The following ANKRD44 variants were observed in gnomAD, a reference collection of about 807,000 sequenced individuals.
The protein encoded by ANKRD44 is serine/threonine-protein phosphatase 6 regulatory ankyrin repeat subunit B.
In ANKRD44, 35 loss-of-function variants were observed where a neutral mutation model predicts 116.0. The ratio of observed to expected loss-of-function variants is 0.30; its 90% CI spans 0.23 to 0.40. The LOEUF is 0.40. ANKRD44 is among the 10% of genes least tolerant of loss of function. The probability of loss-of-function intolerance (pLI) is 1.00; values close to 1 mark genes in which losing one functional copy is unlikely to be tolerated. For missense variants in ANKRD44, 1,014 were observed against 1,242.6 expected, an observed-to-expected ratio of 0.82 and a Z score of 2.77; for synonymous variants, 435 against 461.8, an observed-to-expected ratio of 0.94 and a Z score of 0.74.
At chr2:197,162,325 A>G (rs1300165095) in intron 2 of ANKRD44, among the ~76,000 whole-genome samples, 4 of 152,244 alleles carry the variant, frequency 2.6e-5, no homozygotes, top group African/African-American at 9.6e-5. Flanking sequence ...AACAAAGCCA[A>G]CAGAGCTCTA....
At chr2:197,054,695 G>A (rs1320348800) in intron 16 of ANKRD44, among the ~76,000 whole-genome samples, 1 of 152,164 alleles carries the variant, frequency 6.6e-6, no homozygotes, top group African/African-American at 2.4e-5. Flanking sequence ...GGGAATTCCT[G>A]TTTGATTTAT....
At chr2:197,226,437 G>A (rs569550396) in intron 1 of ANKRD44, among the ~76,000 whole-genome samples, 8 of 152,254 alleles carry the variant, frequency 5.3e-5, no homozygotes, top group African/African-American at 1.7e-4. Context: ...AGACTGAGGC[G>A]GGTGGATCAT....
intron 1 of ANKRD44, among the ~76,000 whole-genome samples, chr2:197,247,614 C>T (rs1434497542): frequency 2.0e-5 from 3 of 152,186 alleles, no homozygotes; most frequent in East Asian, 3.8e-4. Flanking sequence ...AAACTTCTCA[C>T]ATAATTCCCA....
chr2:197,011,935 C>A (rs771415422), intron 18 of ANKRD44, among the ~76,000 whole-genome samples: 1 of 152,208 alleles, frequency 6.6e-6, no homozygotes, highest in Non-Finnish European at 1.5e-5. Flanking sequence ...CCAGCTCAGC[C>A]TCTTCCTATG....
chr2:197,068,467 T>G (rs1574393210), intron 16 of ANKRD44, among the ~76,000 whole-genome samples: 1 of 141,062 alleles, frequency 7.1e-6, no homozygotes, highest in East Asian at 2.1e-4. Context: ...ACAAATGGGA[T>G]CTAATTAAAC....
intron 1 of ANKRD44, among the ~76,000 whole-genome samples, chr2:197,216,572 T>A (rs983766120): frequency 6.6e-6 from 1 of 151,886 alleles, no homozygotes; most frequent in Non-Finnish European, 1.5e-5. Context: ...CTGACCAGAG[T>A]GCTTTTTCAG....
At position 197,205,375 on chromosome 2, in the gene ANKRD44, A is replaced by G. The variant is rs541795065; in HGVS notation, c.28-18269T>C. Among the ~76,000 whole-genome samples the G allele has an allele frequency of 8.5e-5, 13 of 152,348 alleles. No homozygotes were observed. The South Asian group carries it at 1.7e-3, about 19-fold the overall frequency. On this transcript the variant is annotated intron_variant, in intron 1 of 27. Coordinates refer to ENST00000282272, the MANE Select transcript of ANKRD44 (RefSeq NM_001195144.2). The stretch of plus-strand genomic sequence containing the variant: ...TTGAGGAAAGGAAGAACAATGTACC[A>G]GAGCTCATTATGGAGCAGGCCCTGT...
intron 2 of ANKRD44, among the ~76,000 whole-genome samples, chr2:197,182,656 T>C (rs1396455069): frequency 6.8e-6 from 1 of 147,558 alleles, no homozygotes; most frequent in East Asian, 2.1e-4. Flanking sequence ...GACCCCCACA[T>C]ACACTACAAT....
chr2:197,215,809 G>A (rs779360209), intron 1 of ANKRD44, among the ~76,000 whole-genome samples: 16 of 152,088 alleles, frequency 1.1e-4, no homozygotes, highest in African/African-American at 2.2e-4. Flanking sequence ...TAGGACTTTC[G>A]GCCTAATTAT....
Position 197,107,078 on chromosome 2 carries a change from T to A in ANKRD44, c.985+3688A>T, listed in dbSNP as rs141870421. Reference sequence around the variant, plus strand: ...TGACAACCAGTGAGGAAAATAAACATTTGCCAGTTTAGAAGTATGCAGAGC... The same window carrying A: ...TGACAACCAGTGAGGAAAATAAACAATTGCCAGTTTAGAAGTATGCAGAGC... On this transcript the variant is annotated intron_variant, in intron 9 of 27. Coordinates refer to ENST00000282272, the MANE Select transcript of ANKRD44 (RefSeq NM_001195144.2). Among the ~76,000 whole-genome samples, 221 of 152,234 alleles carry A rather than the reference T, an allele frequency of 1.5e-3. 1 individual carries two copies. The highest frequency in any genetic ancestry group is 5.0e-3 in the African/African-American group (207 of 41,550).
intron 2 of ANKRD44, among the ~76,000 whole-genome samples, chr2:197,162,273 A>C (rs1157076942): frequency 6.6e-6 from 1 of 152,172 alleles, no homozygotes; most frequent in Non-Finnish European, 1.5e-5. Context: ...TCCCACCCTA[A>C]ATGTGACAAG....
intron 17 of ANKRD44, among the ~76,000 whole-genome samples, chr2:197,016,308 TTTTTC>T (rs1343035387): frequency 2.0e-5 from 3 of 152,356 alleles, no homozygotes; most frequent in African/African-American, 7.2e-5. Flanking sequence ...TATCTTTTTC[TTTTTC>T]TTTTCATTAC....
intron 9 of ANKRD44, among the ~76,000 whole-genome samples, chr2:197,101,713 C>A (rs1001164900): frequency 2.0e-5 from 3 of 152,174 alleles, no homozygotes; most frequent in Admixed American, 1.3e-4. Context: ...TGCGGTGATA[C>A]AGGCAATCAG....
At chr2:197,274,040 G>T (rs1328998867) in intron 1 of ANKRD44, among the ~76,000 whole-genome samples, 1 of 100,106 alleles carries the variant, frequency 1.0e-5, no homozygotes, top group Non-Finnish European at 1.9e-5. Context: ...AATCAGACAG[G>T]CTTTTGAGCA....
intron 9 of ANKRD44, 24 bp from the exon 10 acceptor site, chr2:197,099,954 G>T: frequency 6.2e-7 from 1 of 1,606,248 alleles, no homozygotes; most frequent in Non-Finnish European, 8.5e-7. Context: ...TTTAATACAG[G>T]ATAACGCAAG....
chr2:197,193,675 C>G (rs1011448038), intron 1 of ANKRD44, among the ~76,000 whole-genome samples: 2 of 151,944 alleles, frequency 1.3e-5, no homozygotes, highest in Admixed American at 1.3e-4. Flanking sequence ...GTCAGGAGAT[C>G]GAGACCATCC....
intron 17 of ANKRD44, chr2:197,015,837 T>TG: frequency 2.0e-6 from 1 of 507,080 alleles, no homozygotes. Flanking sequence ...GAAACTTTGG[T>TG]GGTGGTACCT....
intron 21 of ANKRD44, among the ~76,000 whole-genome samples, chr2:196,977,861 C>A (rs545395713): frequency 6.6e-6 from 1 of 152,064 alleles, no homozygotes; most frequent in Non-Finnish European, 1.5e-5. Context: ...GGTATATACA[C>A]AAGAAATCAA....
chr2:197,179,355 C>A (rs1027368243), intron 2 of ANKRD44, among the ~76,000 whole-genome samples: 15 of 152,094 alleles, frequency 9.9e-5, no homozygotes, highest in Middle Eastern at 3.2e-3. Flanking sequence ...CACCAAATCG[C>A]CCTGAATTTA....
Sources: allele counts gnomAD v4.1 joint callset (sites outside exome capture counted in the v4.1 genomes callset), GRCh38; gene constraint gnomAD v4.1.1; transcripts MANE v1.5; gene names NCBI Gene and HGNC (gene_info 2026-07-23, HGNC 2026-07-21).